The following SEPTIN8 variants were observed in gnomAD, a reference collection of about 807,000 sequenced individuals.
SEPTIN8 encodes septin-8.
In SEPTIN8, 22 loss-of-function variants were observed where a neutral mutation model predicts 53.1. The ratio of observed to expected loss-of-function variants is 0.41; its 90% CI spans 0.30 to 0.59. The LOEUF (loss-of-function observed/expected upper bound fraction) is 0.59, where lower values mean the gene tolerates loss of function less well. Among genes scored for constraint, SEPTIN8 ranks in the 20% least tolerant of loss-of-function variants. SEPTIN8 has a pLI of 0.24. For synonymous variants in SEPTIN8, 228 were observed against 248.4 expected, an observed-to-expected ratio of 0.92 and a Z score of 0.77; for missense variants, 536 against 638.7, an observed-to-expected ratio of 0.84 and a Z score of 1.73.
chr5:132,765,414 C>T lies in SEPTIN8; in HGVS notation c.146G>A (p.Cys49Tyr). The change falls in exon 2 of 10, where the codon TGT becomes TAT. Residue 49 changes from cysteine (C) to tyrosine (Y), a missense_variant. Cys to Tyr is a radical substitution (Grantham distance 194). Coordinates refer to ENST00000378719, the MANE Select transcript of SEPTIN8 (RefSeq NM_001098811.2). ...VTQGFSFNIL[C>Y]VGETGIGKST... is the part of the protein sequence containing the mutation. Reference sequence around the variant, plus strand: ...GGCCAGGCCCTGACACTCACCCACACAGAGGATGTTGAAGCTGAAGCCCTG... The same window carrying T: ...GGCCAGGCCCTGACACTCACCCACATAGAGGATGTTGAAGCTGAAGCCCTG... 6.2e-7 allele frequency: 1 copy of T among 1,613,668 alleles called. No homozygotes were observed. Among genetic ancestry groups the T allele is most frequent in the Non-Finnish European group, 8.5e-7 (1 of 1,179,756 alleles).
chr5:132,761,009 G>T lies in SEPTIN8; in HGVS notation c.1096-17C>A. 1.3e-6 allele frequency: 2 copies of T among 1,583,346 alleles called. No individual in the cohort carries two copies. Among genetic ancestry groups the T allele is most frequent in the Non-Finnish European group, 8.6e-7 (1 of 1,164,240 alleles). On this transcript the variant is annotated splice_polypyrimidine_tract_variant and intron_variant, in intron 8 of 9. Coordinates refer to ENST00000378719, the MANE Select transcript of SEPTIN8 (RefSeq NM_001098811.2). The surrounding 1 kb of genome is among the most constrained non-coding windows in gnomAD (Gnocchi z 5.8). ...CTCATGGAGCTGGCATCAGAAAGGG[G>T]GCAGAAGATGCGGGGAGCAAGAGGA...
chr5:132,758,382 T>C, intron 9 of SEPTIN8: 2 of 1,442,126 alleles, frequency 1.4e-6, no homozygotes, highest in Non-Finnish European at 1.8e-6. Context: ...GGGAACTGGG[T>C]GAATTTTGCA....
intron 1 of SEPTIN8, among the ~76,000 whole-genome samples, chr5:132,770,006 T>TATATAC (rs1561767569): frequency 1.0e-4 from 7 of 67,716 alleles, no homozygotes; most frequent in African/African-American, 3.4e-4. Flanking sequence ...TATATATATA[T>TATATAC]ATATATATAT....
chr5:132,756,238 T>C (rs1018141212), intron 9 of SEPTIN8: 24 of 985,392 alleles, frequency 2.4e-5, no homozygotes, highest in Non-Finnish European at 2.9e-5. Context: ...AATGCACAAT[T>C]ACAAACCACC....
chr5:132,765,049 G>T (rs1263287085), intron 2 of SEPTIN8, among the ~76,000 whole-genome samples: 1 of 151,972 alleles, frequency 6.6e-6, no homozygotes, highest in Non-Finnish European at 1.5e-5. Context: ...GTGATGAGGG[G>T]CAGAGCTGTT....
intron 9 of SEPTIN8, among the ~76,000 whole-genome samples, chr5:132,755,662 G>A (rs1047929728): frequency 6.6e-5 from 10 of 152,166 alleles, no homozygotes; most frequent in Non-Finnish European, 1.0e-4. Flanking sequence ...TAGTAGTCCC[G>A]TGGCAAGCCT....
chr5:132,751,814 T>A lies in SEPTIN8; in HGVS notation c.*202A>T. Reference sequence around the variant, plus strand: ...TTGGCCACAGGATGGGCATTAAGCCTCAAGCCCCTTACGGAGCCATGGATA... The same window carrying A: ...TTGGCCACAGGATGGGCATTAAGCCACAAGCCCCTTACGGAGCCATGGATA... On this transcript the variant is annotated 3_prime_UTR_variant, in exon 10 of 10. Coordinates refer to ENST00000378719, the MANE Select transcript of SEPTIN8 (RefSeq NM_001098811.2). 2 of 926,726 alleles carry A rather than the reference T, an allele frequency of 2.2e-6. No homozygotes were observed. 57.4% of individuals were successfully genotyped at this position (926,726 alleles called of 1,614,324 possible). A position where few individuals can be genotyped will look rare whatever the true frequency, so the allele number is the denominator to read the frequency against.
rs1405125452 is a variant in SEPTIN8 at position 132,751,804 on chromosome 5, G to C, written c.*212C>G. The C allele has an allele frequency of 4.8e-6, 4 of 828,432 alleles. No individual in the cohort carries two copies. Among genetic ancestry groups the C allele is most frequent in the Non-Finnish European group, 7.4e-6 (4 of 543,498 alleles). The allele number at this position is 828,432 out of a possible 1,614,324, so 51.3% of individuals were successfully genotyped here. A position where few individuals can be genotyped will look rare whatever the true frequency, so the allele number is the denominator to read the frequency against. ...GAAGCTCAGCTTGGCCACAGGATGG[G>C]CATTAAGCCTCAAGCCCCTTACGGA... On this transcript the variant is annotated 3_prime_UTR_variant, in exon 10 of 10. Coordinates refer to ENST00000378719, the MANE Select transcript of SEPTIN8 (RefSeq NM_001098811.2).
chr5:132,770,145 G>GTA (rs1218971500), intron 1 of SEPTIN8, among the ~76,000 whole-genome samples: 5,083 of 84,780 alleles, frequency 0.06, 155 homozygotes, highest in Admixed American at 0.076. Flanking sequence ...GTATGTGTGT[G>GTA]TATATATATA....
chr5:132,777,121 A>T lies in SEPTIN8; in HGVS notation c.17T>A (p.Leu6Gln). 2 of 1,076,536 alleles carry T rather than the reference A, an allele frequency of 1.9e-6. No individual in the cohort carries two copies. Among genetic ancestry groups the T allele is most frequent in the Non-Finnish European group, 2.3e-6 (2 of 887,602 alleles). The allele number at this position is 1,076,536 out of a possible 1,614,324, so 66.7% of individuals were successfully genotyped here. A position where few individuals can be genotyped will look rare whatever the true frequency, so the allele number is the denominator to read the frequency against. Residue 6 changes from leucine (L) to glutamine (Q), a missense_variant, in exon 1 of 10, where the codon CTG (leucine) becomes CAG (glutamine). Leu to Gln is a moderately radical substitution (Grantham distance 113). Transcript: ENST00000378719. This position sits in a 1 kb window ranked among gnomAD's most constrained non-coding sequence, Gnocchi z 4.1. ...CGGGGCCCTCACCGAGAAGCGCTCC[A>T]GGTCGGTGGCCGCCATGGCGAGCTC... MAATD[L>Q]ERFSNAEPEP...
chr5:132,765,719 G>A (rs1024968936), intron 1 of SEPTIN8, among the ~76,000 whole-genome samples, 190 bp from the exon 2 acceptor site: 7 of 152,132 alleles, frequency 4.6e-5, no homozygotes, highest in Admixed American at 3.9e-4. Context: ...GAGGGAGCCC[G>A]ATGCCCCCAG....
chr5:132,750,836 C>T lies in SEPTIN8; in HGVS notation c.*1180G>A, dbSNP rs1279611157. 8 of 1,611,738 alleles carry T rather than the reference C, an allele frequency of 5.0e-6. No homozygotes were observed. Among genetic ancestry groups the T allele is most frequent in the Non-Finnish European group, 6.8e-6 (8 of 1,179,276 alleles). ...CTATGACATGATGTAGGGCTTTGGCCTCTTTATTTTCTTTTTACAGTTTAT... is the reference window on the plus strand; with the variant it reads ...CTATGACATGATGTAGGGCTTTGGCTTCTTTATTTTCTTTTTACAGTTTAT... On this transcript the variant is annotated 3_prime_UTR_variant, in exon 10 of 10. Coordinates refer to ENST00000378719, the MANE Select transcript of SEPTIN8 (RefSeq NM_001098811.2).
intron 9 of SEPTIN8, chr5:132,757,142 C>G (rs1755417151): frequency 1.0e-6 from 1 of 973,040 alleles, no homozygotes; most frequent in African/African-American, 1.8e-5. Context: ...CTTCAGGGCC[C>G]CTTCCAAGAC....
At chr5:132,756,345 C>G in intron 9 of SEPTIN8, 1 of 979,298 alleles carries the variant, frequency 1.0e-6, no homozygotes, top group African/African-American at 1.7e-5. Context: ...TAATAGCATC[C>G]CCTTTCTCTC....
rs369598535 is a variant in SEPTIN8, at chr5:132,765,535, A to G, written c.31-6T>C. The G allele has an allele frequency of 3.5e-5, 56 of 1,584,526 alleles. No individual in the cohort carries two copies. Among genetic ancestry groups the G allele is most frequent in the Admixed American group, 5.6e-5 (3 of 53,964 alleles). On this transcript the variant is annotated splice_polypyrimidine_tract_variant and splice_region_variant and intron_variant, in intron 1 of 9. Coordinates refer to ENST00000378719, the MANE Select transcript of SEPTIN8 (RefSeq NM_001098811.2). ...CGGGGCTCTGGCTCTGCATTCTGCC[A>G]AGAGAGAAATAAAGCAAGACATGAG...
chr5:132,751,067 T>C lies in SEPTIN8; in HGVS notation c.*949A>G, dbSNP rs1340987787. 10 of 1,573,414 alleles carry C rather than the reference T, an allele frequency of 6.4e-6. No individual in the cohort carries two copies. The highest frequency in any genetic ancestry group is 6.1e-6 in the Non-Finnish European group (7 of 1,156,264). ...GCCTTTGGAACAGCTGTTTACAACA[T>C]GGGATGGCAAAGCACAGGCGTGCAC... On this transcript the variant is annotated 3_prime_UTR_variant, in exon 10 of 10. Transcript: ENST00000378719.
chr5:132,772,379 A>C lies in SEPTIN8; in HGVS notation c.30+4729T>G, dbSNP rs1426087269. Reference sequence around the variant, plus strand: ...TAGGACAGACACATTCTTGGCCTTTATTGTGCTGCCTGAGAGGGAGTGGTC... The same window carrying C: ...TAGGACAGACACATTCTTGGCCTTTCTTGTGCTGCCTGAGAGGGAGTGGTC... On this transcript the variant is annotated intron_variant, in intron 1 of 9. Transcript: ENST00000378719. Among the ~76,000 whole-genome samples, 3 of 152,256 alleles carry C rather than the reference A, an allele frequency of 2.0e-5. No homozygotes were observed. The East Asian group carries it at 5.8e-4, about 29-fold the overall frequency.
rs1372704752 is a variant in SEPTIN8, at chr5:132,777,079, C to T, written c.30+29G>A. ...CCCCTCCTGCGCCCCGCGCCTCCCG[C>T]GCGCGCCGTGGCCCAGCGGGGCCCT... On this transcript the variant is annotated intron_variant, in intron 1 of 9. Coordinates refer to ENST00000378719, the MANE Select transcript of SEPTIN8 (RefSeq NM_001098811.2). The surrounding 1 kb of genome is among the most constrained non-coding windows in gnomAD (Gnocchi z 4.1). 1 of 1,151,794 alleles carries T rather than the reference C, an allele frequency of 8.7e-7. No individual in the cohort carries two copies. Among genetic ancestry groups the T allele is most frequent in the Non-Finnish European group, 1.1e-6 (1 of 935,576 alleles). The allele number at this position is 1,151,794 out of a possible 1,614,324, so 71.3% of individuals were successfully genotyped here.
At chr5:132,775,481 G>A (rs1757706090) in intron 1 of SEPTIN8, among the ~76,000 whole-genome samples, 1 of 152,194 alleles carries the variant, frequency 6.6e-6, no homozygotes, top group Non-Finnish European at 1.5e-5. Context: ...CCCTATGAGG[G>A]AAGAAATATT....
Sources: allele counts gnomAD v4.1 joint callset (sites outside exome capture counted in the v4.1 genomes callset), GRCh38; gene constraint gnomAD v4.1.1; non-coding constraint Gnocchi (gnomAD v3.1); transcripts MANE v1.5; gene names NCBI Gene and HGNC (gene_info 2026-07-23, HGNC 2026-07-21).